CTNNA3: variants seen among roughly 807,000 people sequenced by gnomAD.
CTNNA3 encodes the protein catenin alpha-3.
Under a neutral mutation model 95.7 loss-of-function variants are expected in CTNNA3, and 76 were observed. That is an observed-to-expected ratio of 0.79 (90% CI 0.66 to 0.96). CTNNA3 has a LOEUF of 0.96. Among genes scored for constraint, CTNNA3 ranks in the 40% least tolerant of loss-of-function variants. The pLI is 0.00. For missense variants in CTNNA3, 1,191 were observed against 1,089.8 expected (o/e 1.09, Z -1.31); for synonymous variants, 431 against 374.4 (o/e 1.15, Z -1.74).
intron 11 of CTNNA3, among the ~76,000 whole-genome samples, chr10:66,392,559 C>T (rs186885681): frequency 6.6e-6 from 1 of 152,192 alleles, no homozygotes; most frequent in East Asian, 1.9e-4. Context: ...AAGAAAACAG[C>T]TCAATTAAAA....
At chr10:67,271,671 C>T (rs1192963291) in intron 5 of CTNNA3, among the ~76,000 whole-genome samples, 1 of 152,118 alleles carries the variant, frequency 6.6e-6, no homozygotes. Context: ...TTAGAACACT[C>T]ACAACCACAT....
rs76422529 is a variant in CTNNA3 at position 66,516,856 on chromosome 10, T to C, written c.1531+3761A>G. Reference sequence around the variant, plus strand: ...CCGTTTTAAATTGTGTTGTGTAATGTTTGGAGATGCAATGCTTTAAGATGC... The same window carrying C: ...CCGTTTTAAATTGTGTTGTGTAATGCTTGGAGATGCAATGCTTTAAGATGC... On this transcript the variant is annotated intron_variant, in intron 11 of 17. Coordinates refer to ENST00000433211, the MANE Select transcript of CTNNA3 (RefSeq NM_013266.4). Among the ~76,000 whole-genome samples, 1,514 of 152,284 alleles carry C rather than the reference T, an allele frequency of 9.9e-3. 27 individuals carry two copies. Among genetic ancestry groups the C allele is most frequent in the African/African-American group, 0.035 (1,440 of 41,536 alleles).
intron 15 of CTNNA3, among the ~76,000 whole-genome samples, chr10:66,027,721 C>G (rs1320329437): frequency 6.6e-6 from 1 of 152,130 alleles, no homozygotes; most frequent in Non-Finnish European, 1.5e-5. Context: ...GCTCCAGACT[C>G]AGCAACACTA....
chr10:66,077,243 T>C (rs191802515), intron 14 of CTNNA3, among the ~76,000 whole-genome samples: 6 of 151,938 alleles, frequency 3.9e-5, no homozygotes, highest in African/African-American at 1.4e-4. Flanking sequence ...TAAACTGTTA[T>C]TTCTAGGTAA....
intron 14 of CTNNA3, among the ~76,000 whole-genome samples, chr10:66,088,077 C>T (rs868433308): frequency 1.3e-5 from 2 of 151,884 alleles, no homozygotes; most frequent in Non-Finnish European, 2.9e-5. Context: ...TTATAGATAG[C>T]TATTTTTTCC....
At chr10:66,431,784 T>TA (rs2131749274) in intron 11 of CTNNA3, among the ~76,000 whole-genome samples, 1 of 147,922 alleles carries the variant, frequency 6.8e-6, no homozygotes, top group South Asian at 2.3e-4. Context: ...CATTAGGAGA[T>TA]ACACCTAATG....
intron 3 of CTNNA3, among the ~76,000 whole-genome samples, chr10:67,573,622 G>T (rs1445715363): frequency 1.3e-5 from 2 of 151,808 alleles, no homozygotes; most frequent in African/African-American, 4.8e-5. Flanking sequence ...GAAGACAGAA[G>T]GTTAGATAGA....
intron 7 of CTNNA3, among the ~76,000 whole-genome samples, chr10:66,860,957 T>C (rs1168881717): frequency 6.6e-6 from 1 of 152,198 alleles, no homozygotes; most frequent in Non-Finnish European, 1.5e-5. Flanking sequence ...TAATTATCTT[T>C]CTTGGTTCAC....
chr10:65,930,125 A>C (rs2077227219), intron 17 of CTNNA3, among the ~76,000 whole-genome samples: 1 of 148,416 alleles, frequency 6.7e-6, no homozygotes, highest in Non-Finnish European at 1.5e-5. Flanking sequence ...CACACTTCAC[A>C]CACTTTTCAA....
intron 11 of CTNNA3, among the ~76,000 whole-genome samples, chr10:66,463,938 C>T (rs7095004): frequency 0.2 from 30,658 of 150,330 alleles, 3,440 homozygotes; most frequent in South Asian, 0.3. Context: ...GTTTCAAAGA[C>T]AGTAGGGAAG....
intron 7 of CTNNA3, among the ~76,000 whole-genome samples, chr10:67,088,955 C>T (rs780539779): frequency 3.2e-4 from 48 of 151,820 alleles, no homozygotes; most frequent in African/African-American, 8.4e-4. Context: ...AAAATTAATA[C>T]GAATAGAACA....
intron 7 of CTNNA3, among the ~76,000 whole-genome samples, chr10:67,139,669 T>G (rs1400951139): frequency 6.6e-6 from 1 of 152,094 alleles, no homozygotes; most frequent in Non-Finnish European, 1.5e-5. Context: ...CGCCTCAGCC[T>G]CCCAAAGTGC....
At chr10:66,913,258 A>AG (rs1208858200) in intron 7 of CTNNA3, among the ~76,000 whole-genome samples, 12 of 146,526 alleles carry the variant, frequency 8.2e-5, no homozygotes, top group African/African-American at 1.5e-4. Flanking sequence ...AAAAAAAAAA[A>AG]AAAAAAAGAA....
At chr10:66,053,380 G>A (rs188505352) in intron 15 of CTNNA3, among the ~76,000 whole-genome samples, 23 of 150,990 alleles carry the variant, frequency 1.5e-4, no homozygotes, top group African/African-American at 5.1e-4. Context: ...TTTAAATTTT[G>A]TGGGTACATA....
At chr10:67,378,527 T>C (rs1398787435) in intron 5 of CTNNA3, among the ~76,000 whole-genome samples, 1 of 152,158 alleles carries the variant, frequency 6.6e-6, no homozygotes, top group Non-Finnish European at 1.5e-5. Context: ...CATTTTGTGG[T>C]CATCTTCTTT....
chr10:66,366,242 C>G (rs989746160), intron 12 of CTNNA3, among the ~76,000 whole-genome samples: 25 of 151,976 alleles, frequency 1.6e-4, no homozygotes, highest in African/African-American at 5.8e-4. Flanking sequence ...AAACGTTTGC[C>G]CATTAACTAA....
intron 11 of CTNNA3, among the ~76,000 whole-genome samples, chr10:66,444,888 A>G (rs1359039843): frequency 2.6e-5 from 4 of 152,166 alleles, no homozygotes; most frequent in Admixed American, 6.5e-5. Flanking sequence ...CAAATTGGAT[A>G]AAGAGTCAAG....
intron 13 of CTNNA3, among the ~76,000 whole-genome samples, chr10:66,129,292 T>C (rs1191714609): frequency 4.6e-5 from 7 of 152,014 alleles, no homozygotes; most frequent in Non-Finnish European, 7.4e-5. Flanking sequence ...AAAAAACTTC[T>C]ATTAAGGTAC....
intron 2 of CTNNA3, among the ~76,000 whole-genome samples, chr10:67,632,650 C>T (rs1839182762): frequency 6.6e-6 from 1 of 152,184 alleles, no homozygotes; most frequent in Non-Finnish European, 1.5e-5. Flanking sequence ...TGGAAAACCA[C>T]GCTTTTCCCA....
Sources: gnomAD v4.1 joint callset for allele counts (sites outside exome capture counted in the v4.1 genomes callset) on GRCh38, gnomAD v4.1.1 for gene constraint, MANE v1.5 for transcripts, NCBI Gene and HGNC (gene_info 2026-07-23, HGNC 2026-07-21) for gene names.